Variants in EPB41L4B observed in about 807,000 individuals in gnomAD.
EPB41L4B encodes the protein band 4.1-like protein 4B.
In EPB41L4B, 30 loss-of-function variants were observed where a neutral mutation model predicts 112.5. That is an observed-to-expected ratio of 0.27 (90% confidence interval 0.20 to 0.36). EPB41L4B has a LOEUF of 0.36. Among genes scored for constraint, EPB41L4B ranks in the 10% least tolerant of loss-of-function variants. The pLI is 1.00. For synonymous variants in EPB41L4B, 408 were observed against 439.7 expected (o/e 0.93, Z 0.90); for missense variants, 1,024 against 1,133.3 (o/e 0.90, Z 1.38).
chr9:109,279,165 AAGC>A (rs1328430792), intron 2 of EPB41L4B, among the ~76,000 whole-genome samples: 5 of 152,114 alleles, frequency 3.3e-5, no homozygotes, highest in African/African-American at 1.2e-4. Context: ...TTAAAAATAA[AAGC>A]AGCACCATTA....
chr9:109,309,755 CAGAGAGAGAGAGAG>C (rs34950010), intron 1 of EPB41L4B, among the ~76,000 whole-genome samples: 5 of 142,134 alleles, frequency 3.5e-5, no homozygotes, highest in Admixed American at 2.8e-4. Flanking sequence ...AATACACACA[CAGAGAGAGAGAGAG>C]AGAGAGAGAG....
At chr9:109,288,510 G>C (rs1836387445) in intron 1 of EPB41L4B, among the ~76,000 whole-genome samples, 2 of 151,918 alleles carry the variant, frequency 1.3e-5, no homozygotes, top group Admixed American at 6.6e-5. Context: ...CACAAGGTCA[G>C]GAGATCAAGA....
chr9:109,286,535 G>A (rs989192664), intron 1 of EPB41L4B, among the ~76,000 whole-genome samples: 1 of 152,168 alleles, frequency 6.6e-6, no homozygotes, highest in Non-Finnish European at 1.5e-5. Context: ...ACTGTGACGA[G>A]CCTGGAAAGC....
chr9:109,183,265 C>T (rs142871474), intron 23 of EPB41L4B, among the ~76,000 whole-genome samples: 137 of 152,254 alleles, frequency 9.0e-4, no homozygotes, highest in South Asian at 4.8e-3. Flanking sequence ...GGGTACAAGG[C>T]GGCTGGGCTA....
chr9:109,226,505 A>C (rs1833761446), intron 15 of EPB41L4B, among the ~76,000 whole-genome samples: 1 of 151,490 alleles, frequency 6.6e-6, no homozygotes, highest in South Asian at 2.1e-4. Context: ...TTGTATAACC[A>C]ATTCCCTGAA....
chr9:109,185,073 T>C (rs1832206342), intron 23 of EPB41L4B, among the ~76,000 whole-genome samples: 1 of 152,234 alleles, frequency 6.6e-6, no homozygotes, highest in South Asian at 2.1e-4. Flanking sequence ...GGTAATTTTG[T>C]TCACATTGTC....
At chr9:109,216,661 AAG>A (rs1554747907) in intron 16 of EPB41L4B, among the ~76,000 whole-genome samples, 2,009 of 126,758 alleles carry the variant, frequency 0.016, 43 homozygotes, top group African/African-American at 0.053. Flanking sequence ...AAAAAAAAAA[AAG>A]AAAAGAAAAA....
intron 1 of EPB41L4B, among the ~76,000 whole-genome samples, chr9:109,283,923 CA>C: frequency 7.7e-6 from 1 of 129,622 alleles, no homozygotes; most frequent in Admixed American, 8.1e-5. Context: ...CCCATCTCTA[CA>C]AAAAAGTAAA....
intron 15 of EPB41L4B, among the ~76,000 whole-genome samples, chr9:109,235,679 T>C (rs1055334702): frequency 2.0e-5 from 3 of 152,070 alleles, no homozygotes; most frequent in African/African-American, 7.2e-5. Context: ...ATTACAGGTA[T>C]GATTCACCAC....
In EPB41L4B at chr9:109,263,119, T is replaced by C. The variant is rs1360782747; in HGVS notation, c.579-17A>G. On this transcript the variant is annotated splice_polypyrimidine_tract_variant and intron_variant, in intron 5 of 25. Transcript: ENST00000374566. Reference sequence around the variant, plus strand: ...CATTTCAATCTTGAAAAAAATAAAATGAAATTAATTCGAAATAGGAACTTA... The same window carrying C: ...CATTTCAATCTTGAAAAAAATAAAACGAAATTAATTCGAAATAGGAACTTA... 3 of 1,547,754 alleles carry C rather than the reference T, an allele frequency of 1.9e-6. No homozygotes were observed. In the South Asian group the frequency reaches 3.5e-5, roughly 18 times the overall value.
At chr9:109,189,207 G>T (rs917238721) in intron 22 of EPB41L4B, among the ~76,000 whole-genome samples, 1 of 152,114 alleles carries the variant, frequency 6.6e-6, no homozygotes, top group East Asian at 1.9e-4. Flanking sequence ...ATACAGAATC[G>T]GAAATGGAAA....
intron 15 of EPB41L4B, chr9:109,240,257 C>G: frequency 1.0e-6 from 1 of 985,358 alleles, no homozygotes; most frequent in Non-Finnish European, 1.2e-6. Context: ...GCAGCACATA[C>G]ACTGAGCATC....
At position 109,185,551 on chromosome 9, in the gene EPB41L4B, A is replaced by G. The variant is rs1379260555; in HGVS notation, c.2356T>C (p.Ser786Pro). 1 of 1,612,606 alleles carries G rather than the reference A, an allele frequency of 6.2e-7. No homozygotes were observed. The highest frequency in any genetic ancestry group is 8.5e-7 in the Non-Finnish European group (1 of 1,179,336). The change falls in exon 23 of 26, where the codon TCT becomes CCT. Residue 786 changes from serine to proline, a missense_variant. Transcript: ENST00000374566. ...CAHSRCSPPL[S>P]LPMKEETTGV... ...GTGGTCTCTTCCTTCATGGGGAGAG[A>G]GAGTGGAGGAGAACAGCGAGAGTGG...
At chr9:109,314,746 T>C (rs1008882900) in intron 1 of EPB41L4B, among the ~76,000 whole-genome samples, 21 of 152,056 alleles carry the variant, frequency 1.4e-4, no homozygotes, top group Non-Finnish European at 2.6e-4. Flanking sequence ...AGAGGGGATG[T>C]GGGTGGGGCA....
intron 24 of EPB41L4B, among the ~76,000 whole-genome samples, chr9:109,180,464 G>A (rs1832015354): frequency 6.6e-6 from 1 of 152,218 alleles, no homozygotes; most frequent in African/African-American, 2.4e-5. Context: ...CAGGGAAAGA[G>A]CATCTAACAT....
Position 109,320,547 on chromosome 9 carries a change from C to T in EPB41L4B, c.-101G>A. The T allele has an allele frequency of 4.8e-6, 3 of 620,300 alleles. No individual in the cohort carries two copies. Among genetic ancestry groups the T allele is most frequent in the Non-Finnish European group, 6.0e-6 (3 of 500,158 alleles). The allele number at this position is 620,300 out of a possible 1,614,324, so 38.4% of individuals were successfully genotyped here. A position where few individuals can be genotyped will look rare whatever the true frequency, so the allele number is the denominator to read the frequency against. ...GGAGCGTCCCGCGACGCCGTCAGTG[C>T]CCTCGGCCGCCCGCGCCGCCTCTCG... On this transcript the variant is annotated 5_prime_UTR_variant, in exon 1 of 26. Transcript: ENST00000374566.
chr9:109,244,466 TAC>T lies in EPB41L4B; in HGVS notation c.1345-786_1345-785del, dbSNP rs554433797. On this transcript the variant is annotated intron_variant, in intron 14 of 25. Coordinates refer to ENST00000374566, the MANE Select transcript of EPB41L4B (RefSeq NM_019114.5). ...TTTTTTTTTTTTTTTTTTTTTTTTT[TAC>T]AGAGTCTCACTCTGTCACCCAGGCT... 3.1e-3 allele frequency among the ~76,000 whole-genome samples: 245 copies of T among 78,038 alleles called. 2 individuals are homozygous for T. Among genetic ancestry groups the T allele is most frequent in the Non-Finnish European group, 4.2e-3 (178 of 42,466 alleles). 51.2% of individuals were successfully genotyped at this position (78,038 alleles called of 152,430 possible).
chr9:109,265,441 G>C lies in EPB41L4B; in HGVS notation c.534-417C>G, dbSNP rs10979782. 6.2e-3 allele frequency among the ~76,000 whole-genome samples: 937 copies of C among 152,284 alleles called. 21 individuals carry two copies. In the East Asian group the frequency reaches 0.096, roughly 16 times the overall value. ...GATTCCAGATCTGCTGCGGTGGATT[G>C]TAACAAAAAGTTTGCAGCTGATTCT... On this transcript the variant is annotated intron_variant, in intron 4 of 25. Transcript: ENST00000374566.
chr9:109,235,983 A>C (rs1288457077), intron 15 of EPB41L4B, among the ~76,000 whole-genome samples: 1 of 152,220 alleles, frequency 6.6e-6, no homozygotes, highest in Non-Finnish European at 1.5e-5. Flanking sequence ...CACTTCACCT[A>C]ATCAGAGAAC....
Sources: gnomAD v4.1 joint callset for allele counts (sites outside exome capture counted in the v4.1 genomes callset) on GRCh38, gnomAD v4.1.1 for gene constraint, MANE v1.5 for transcripts, NCBI Gene and HGNC (gene_info 2026-07-23, HGNC 2026-07-21) for gene names.